TENM2: variants seen among roughly 807,000 people sequenced by gnomAD.
TENM2 encodes teneurin-2.
A neutral mutation model predicts 245.2 loss-of-function variants in TENM2; 52 were observed. The observed-to-expected ratio is 0.21, with a 90% confidence interval of 0.17 to 0.27. TENM2 has a LOEUF of 0.27. TENM2 is among the 10% of genes least tolerant of loss of function. The pLI, the probability that TENM2 is intolerant of heterozygous loss-of-function variation, is 1.00. For missense variants in TENM2, 3,046 were observed against 3,666.8 expected (o/e 0.83, Z 4.37); for synonymous variants, 1,363 against 1,438.9 (o/e 0.95, Z 1.19).
In TENM2 at chr5:167,649,522, A is replaced by AAC. The variant is rs150826052; in HGVS notation, c.503-226450_503-226449dup. On this transcript the variant is annotated intron_variant, in intron 2 of 28. Transcript: ENST00000518659. ...AATTTTCAGTGCTCAGAAAAAGAAA[A>AAC]ACACACACACACACAGAAGTCTTTT... Among the ~76,000 whole-genome samples the AAC allele has an allele frequency of 5.7e-4, 86 of 152,066 alleles. 1 individual carries two copies. The East Asian group carries it at 0.015, about 27-fold the overall frequency.
the TENM2 span, among the ~76,000 whole-genome samples, chr5:167,007,272 T>G: frequency 1.3e-5 from 2 of 152,154 alleles, no homozygotes; most frequent in Non-Finnish European, 2.9e-5. This position sits in a 1 kb window ranked among gnomAD's most constrained non-coding sequence, Gnocchi z 4.2. Flanking sequence ...TAAACATAAG[T>G]CCCAAAGGCA....
intron 2 of TENM2, among the ~76,000 whole-genome samples, chr5:167,446,273 T>C (rs1765202099): frequency 6.6e-6 from 1 of 152,076 alleles, no homozygotes; most frequent in Non-Finnish European, 1.5e-5. Context: ...CACCTATTGA[T>C]GAGATCCATC....
chr5:168,077,867 G>A (rs1023002838), intron 7 of TENM2, among the ~76,000 whole-genome samples: 21 of 152,270 alleles, frequency 1.4e-4, no homozygotes, highest in Middle Eastern at 6.8e-3. Context: ...TTGCTATTGT[G>A]AATAGTGCTG....
In TENM2 at chr5:167,855,067, G is replaced by A. The variant is rs1770940031; in HGVS notation, c.503-20919G>A. Among the ~76,000 whole-genome samples the A allele has an allele frequency of 3.3e-5, 5 of 152,282 alleles. No homozygotes were observed. In the South Asian group the frequency reaches 1.0e-3, roughly 32 times the overall value. ...CTATCAGCTTTCCGTCTCACCCAGAGTAAAAGTCAAAGACCTTGCAGTGGC... is the reference window on the plus strand; with the variant it reads ...CTATCAGCTTTCCGTCTCACCCAGAATAAAAGTCAAAGACCTTGCAGTGGC... On this transcript the variant is annotated intron_variant, in intron 2 of 28. Transcript: ENST00000518659.
At chr5:168,215,594 G>A (rs752630579) in intron 21 of TENM2, among the ~76,000 whole-genome samples, 20 of 152,206 alleles carry the variant, frequency 1.3e-4, no homozygotes, top group Non-Finnish European at 2.1e-4. Context: ...GCGTGAACCC[G>A]GGAGGCGGAG....
chr5:168,175,884 C>A (rs1363391516), intron 13 of TENM2, among the ~76,000 whole-genome samples: 1 of 152,136 alleles, frequency 6.6e-6, no homozygotes, highest in African/African-American at 2.4e-5. Context: ...CCCAGCCTAC[C>A]TGGGGTCCAT....
chr5:167,341,863 T>A (rs1051120389), intron 1 of TENM2, among the ~76,000 whole-genome samples: 2 of 152,106 alleles, frequency 1.3e-5, no homozygotes, highest in African/African-American at 4.8e-5. Flanking sequence ...ATAAGCAAAA[T>A]TTACATTTCA....
At chr5:167,812,701 G>A (rs1333136458) in intron 2 of TENM2, among the ~76,000 whole-genome samples, 1 of 151,972 alleles carries the variant, frequency 6.6e-6, no homozygotes, top group Non-Finnish European at 1.5e-5. Flanking sequence ...TCTTCTCCAG[G>A]CTTGCGCCTG....
chr5:167,314,675 A>G (rs1258192414), intron 1 of TENM2, among the ~76,000 whole-genome samples: 1 of 152,108 alleles, frequency 6.6e-6, no homozygotes, highest in Non-Finnish European at 1.5e-5. Flanking sequence ...GAGTTGATGA[A>G]CAATTTGTTT....
chr5:168,157,497 A>C (rs1460534884), intron 12 of TENM2, among the ~76,000 whole-genome samples: 2 of 152,116 alleles, frequency 1.3e-5, no homozygotes, highest in African/African-American at 2.4e-5. Context: ...GGCTGGGGTT[A>C]ATGTGGTGGC....
At chr5:166,996,722 A>G in the TENM2 span, among the ~76,000 whole-genome samples, 1 of 152,212 alleles carries the variant, frequency 6.6e-6, no homozygotes, top group African/African-American at 2.4e-5. Context: ...TATGTGAACC[A>G]AGGAAAGATT....
the TENM2 span, among the ~76,000 whole-genome samples, chr5:167,136,768 G>A: frequency 6.6e-6 from 1 of 152,052 alleles, no homozygotes. Flanking sequence ...ATCTCATAAT[G>A]GACATGTGAT....
At chr5:167,989,336 C>T (rs1301301535) in intron 4 of TENM2, among the ~76,000 whole-genome samples, 1 of 150,440 alleles carries the variant, frequency 6.6e-6, no homozygotes, top group African/African-American at 2.5e-5. Context: ...ATGAAGGGGG[C>T]TGTGTTAGAA....
At chr5:167,865,807 T>A (rs1772267894) in intron 2 of TENM2, among the ~76,000 whole-genome samples, 1 of 152,180 alleles carries the variant, frequency 6.6e-6, no homozygotes, top group Non-Finnish European at 1.5e-5. Context: ...GAATCAACTC[T>A]TCTTAGCAAG....
intron 5 of TENM2, among the ~76,000 whole-genome samples, chr5:167,999,497 T>C (rs1246824470): frequency 1.3e-5 from 2 of 152,234 alleles, no homozygotes; most frequent in Admixed American, 1.3e-4. Flanking sequence ...AACATCTGAT[T>C]TCAGAGGGCC....
intron 7 of TENM2, chr5:168,085,582 A>G (rs1792378270): frequency 6.6e-6 from 1 of 152,434 alleles, no homozygotes; most frequent in Middle Eastern, 3.4e-3. Context: ...CAGGGAAGCC[A>G]GCCCCCACTG....
At chr5:167,524,392 C>T (rs1770969027) in intron 2 of TENM2, among the ~76,000 whole-genome samples, 1 of 151,976 alleles carries the variant, frequency 6.6e-6, no homozygotes, top group South Asian at 2.1e-4. Flanking sequence ...ACACAGTGAA[C>T]ACCTAATAAG....
intron 2 of TENM2, among the ~76,000 whole-genome samples, chr5:167,717,796 C>G (rs1402915013): frequency 6.6e-6 from 1 of 152,178 alleles, no homozygotes; most frequent in African/African-American, 2.4e-5. Context: ...TAAATACAGA[C>G]TGTAACCTCT....
the TENM2 span, among the ~76,000 whole-genome samples, chr5:167,124,916 G>T: frequency 6.6e-6 from 1 of 152,094 alleles, no homozygotes; most frequent in African/African-American, 2.4e-5. Flanking sequence ...CTTCATCATG[G>T]GCATCACAGT....
Sources: gnomAD v4.1 joint callset for allele counts (sites outside exome capture counted in the v4.1 genomes callset) on GRCh38, gnomAD v4.1.1 for gene constraint, Gnocchi (gnomAD v3.1) non-coding constraint, MANE v1.5 for transcripts, NCBI Gene and HGNC (gene_info 2026-07-23, HGNC 2026-07-21) for gene names.